HOOK3: variants seen among roughly 807,000 people sequenced by gnomAD.
HOOK3 encodes hook microtubule tethering protein 3, also known as protein Hook homolog 3.
A neutral mutation model predicts 116.3 loss-of-function variants in HOOK3; 24 were observed. That is an observed-to-expected ratio of 0.21 (90% CI 0.15 to 0.29). The LOEUF (loss-of-function observed/expected upper bound fraction) is 0.29. Ranked by LOEUF, HOOK3 falls within the 10% of genes least tolerant of loss-of-function variation. The pLI, the probability that HOOK3 is intolerant of heterozygous loss-of-function variation, is 1.00. For missense variants in HOOK3, 632 were observed against 830.2 expected, an observed-to-expected ratio of 0.76 and a Z score of 2.93; for synonymous variants, 275 against 283.0, an observed-to-expected ratio of 0.97 and a Z score of 0.28.
chr8:43,010,378 C>CA lies in HOOK3; in HGVS notation c.1818dup (p.Tyr607IlefsTer15). ...AAATGAAGCAAATGGAAGAACGATA[C>CA]AAAAAATACTTAGAGAAAGCCAAAA... is the stretch of plus-strand genomic sequence containing the variant. On this transcript the variant is annotated frameshift_variant, in exon 19 of 22. Transcript: ENST00000307602. LOFTEE classifies it high-confidence loss of function. The CA allele has an allele frequency of 3.4e-6, 5 of 1,469,552 alleles. No individual in the cohort carries two copies. Among genetic ancestry groups the CA allele is most frequent in the Non-Finnish European group, 4.5e-6 (5 of 1,102,476 alleles). The allele number at this position is 1,469,552 out of a possible 1,614,324, so 91.0% of individuals were successfully genotyped here. A position where few individuals can be genotyped will look rare whatever the true frequency, so the allele number is the denominator to read the frequency against.
chr8:42,911,344 G>C (rs1807425281), intron 2 of HOOK3, among the ~76,000 whole-genome samples: 1 of 152,136 alleles, frequency 6.6e-6, no homozygotes, highest in South Asian at 2.1e-4. Context: ...CCAGCTACTA[G>C]GGAGACTGAG....
At chr8:42,919,065 C>T (rs1454961707) in intron 2 of HOOK3, among the ~76,000 whole-genome samples, 3 of 147,860 alleles carry the variant, frequency 2.0e-5, no homozygotes, top group South Asian at 2.2e-4. Context: ...ACCTCCCGGA[C>T]GGGGCGGCTG....
chr8:43,008,840 T>C (rs1351992660), intron 18 of HOOK3, among the ~76,000 whole-genome samples: 3 of 150,060 alleles, frequency 2.0e-5, no homozygotes, highest in Non-Finnish European at 4.4e-5. Context: ...TTTGTATTTT[T>C]AGTAGAGACG....
intron 1 of HOOK3, among the ~76,000 whole-genome samples, chr8:42,903,589 C>T (rs1193529372): frequency 6.6e-6 from 1 of 150,830 alleles, no homozygotes; most frequent in Admixed American, 6.6e-5. Flanking sequence ...GTGATCCACT[C>T]TCTTCGGCCT....
chr8:42,943,986 C>G (rs1319041998), intron 5 of HOOK3, among the ~76,000 whole-genome samples: 1 of 152,132 alleles, frequency 6.6e-6, no homozygotes, highest in Non-Finnish European at 1.5e-5. Flanking sequence ...CAAAATCTGG[C>G]AGATACTTTT....
rs986385043 is a variant in HOOK3 at position 43,022,324 on chromosome 8, AT to A, written c.*3831del. The A allele has an allele frequency of 1.6e-4, 33 of 206,696 alleles. No individual in the cohort carries two copies. Among genetic ancestry groups the A allele is most frequent in the Non-Finnish European group, 2.5e-4 (25 of 101,290 alleles). The allele number at this position is 206,696 out of a possible 1,614,324, so 12.8% of individuals were successfully genotyped here. A position where few individuals can be genotyped will look rare whatever the true frequency, so the allele number is the denominator to read the frequency against. The stretch of plus-strand genomic sequence containing the variant: ...CTCATCGTGAGTGATGCTGTGCTGT[AT>A]TTTTACAAACTCTCGCATACAGCAC... On this transcript the variant is annotated 3_prime_UTR_variant, in exon 22 of 22. Coordinates refer to ENST00000307602, the MANE Select transcript of HOOK3 (RefSeq NM_032410.4).
intron 1 of HOOK3, among the ~76,000 whole-genome samples, chr8:42,902,260 T>TTC (rs535319525): frequency 2.1e-4 from 32 of 150,528 alleles, no homozygotes; most frequent in East Asian, 5.9e-4. Context: ...GAAATGTGTA[T>TTC]TCTCTCTCTC....
At chr8:42,915,737 G>A (rs910906322) in intron 2 of HOOK3, among the ~76,000 whole-genome samples, 1 of 152,124 alleles carries the variant, frequency 6.6e-6, no homozygotes, top group South Asian at 2.1e-4. Context: ...TGGCCATATA[G>A]TGTTAATTTT....
At chr8:42,923,694 A>G (rs1807706954) in intron 2 of HOOK3, among the ~76,000 whole-genome samples, 1 of 152,196 alleles carries the variant, frequency 6.6e-6, no homozygotes, top group African/African-American at 2.4e-5. Context: ...TAATGGAGAT[A>G]GGGTTTCTTT....
chr8:42,990,945 A>G (rs1809148883), intron 15 of HOOK3, among the ~76,000 whole-genome samples: 1 of 152,192 alleles, frequency 6.6e-6, no homozygotes, highest in Non-Finnish European at 1.5e-5. Flanking sequence ...TGAGATTTAA[A>G]TCTTTGATCC....
At position 43,019,004 on chromosome 8, in the gene HOOK3, C is replaced by G; in HGVS notation, c.*506C>G. ...CTATACAAAATGGTTGACAAGTGTT[C>G]TTTTTGCAAAGACTTGAATACATTG... is the stretch of plus-strand genomic sequence containing the variant. On this transcript the variant is annotated 3_prime_UTR_variant, in exon 22 of 22. Coordinates refer to ENST00000307602, the MANE Select transcript of HOOK3 (RefSeq NM_032410.4). 4.8e-6 allele frequency: 1 copy of G among 208,842 alleles called. No homozygotes were observed. The highest frequency in any genetic ancestry group is 9.8e-6 in the Non-Finnish European group (1 of 102,504). The allele number at this position is 208,842 out of a possible 1,614,324, so 12.9% of individuals were successfully genotyped here. A position where few individuals can be genotyped will look rare whatever the true frequency, so the allele number is the denominator to read the frequency against.
chr8:42,946,856 C>A (rs1808240205), intron 5 of HOOK3, among the ~76,000 whole-genome samples: 1 of 148,344 alleles, frequency 6.7e-6, no homozygotes, highest in Non-Finnish European at 1.5e-5. Flanking sequence ...GCAACCTCTG[C>A]CTCCCAGGTT....
intron 6 of HOOK3, among the ~76,000 whole-genome samples, chr8:42,954,740 C>G (rs1174130020): frequency 6.6e-6 from 1 of 152,120 alleles, no homozygotes; most frequent in Non-Finnish European, 1.5e-5. Context: ...GGTCTCTTTC[C>G]TCACAAAGCA....
chr8:42,965,083 A>G (rs977215764), intron 9 of HOOK3, among the ~76,000 whole-genome samples: 2 of 152,264 alleles, frequency 1.3e-5, no homozygotes, highest in South Asian at 2.1e-4. Flanking sequence ...CTTTCAAGAA[A>G]GACCGAGGAA....
chr8:42,973,887 G>A (rs1808771077), intron 12 of HOOK3, among the ~76,000 whole-genome samples: 1 of 152,204 alleles, frequency 6.6e-6, no homozygotes, highest in African/African-American at 2.4e-5. Context: ...GTTTAACTAT[G>A]GATAGCATAT....
In HOOK3 at chr8:43,018,659, GT is replaced by G; in HGVS notation, c.*165del. ...GACTTTTTCTCTCTCCTGTATCTTT[GT>G]TTTAGTTTCTTTGGTTTTTATTTTG... On this transcript the variant is annotated 3_prime_UTR_variant, in exon 22 of 22. Coordinates refer to ENST00000307602, the MANE Select transcript of HOOK3 (RefSeq NM_032410.4). The G allele has an allele frequency of 4.4e-6, 3 of 680,898 alleles. No homozygotes were observed. The highest frequency in any genetic ancestry group is 6.6e-6 in the Non-Finnish European group (3 of 457,884). 42.2% of individuals were successfully genotyped at this position (680,898 alleles called of 1,614,324 possible).
intron 21 of HOOK3, among the ~76,000 whole-genome samples, chr8:43,014,449 T>A (rs1809672283): frequency 6.6e-6 from 1 of 151,594 alleles, no homozygotes; most frequent in South Asian, 2.1e-4. Context: ...CCTCCCAGGT[T>A]CAAGCGATTC....
intron 13 of HOOK3, among the ~76,000 whole-genome samples, chr8:42,981,929 CAG>C (rs990924425): frequency 1.4e-5 from 2 of 143,398 alleles, no homozygotes; most frequent in African/African-American, 5.2e-5. Flanking sequence ...ATAAACCTGA[CAG>C]AGAGAAATAT....
intron 13 of HOOK3, among the ~76,000 whole-genome samples, chr8:42,982,254 T>TA (rs1162075588): frequency 0.047 from 4,178 of 88,906 alleles, 84 homozygotes; most frequent in Non-Finnish European, 0.068. Flanking sequence ...GACTCTGTCT[T>TA]AAAAAAAAAA....
Sources: gnomAD v4.1 joint callset for allele counts (sites outside exome capture counted in the v4.1 genomes callset) on GRCh38, gnomAD v4.1.1 for gene constraint, MANE v1.5 for transcripts, NCBI Gene and HGNC (gene_info 2026-07-23, HGNC 2026-07-21) for gene names.